Variants in RAC1 observed in about 807,000 individuals in gnomAD.
RAC1 encodes Rac family small GTPase 1.
Under a neutral mutation model 25.2 loss-of-function variants are expected in RAC1, and 2 were observed. The ratio of observed to expected loss-of-function variants is 0.08; its 90% CI spans 0.03 to 0.25. RAC1 has a LOEUF of 0.25. Among genes scored for constraint, RAC1 ranks in the 10% least tolerant of loss-of-function variants. The probability of loss-of-function intolerance (pLI) is 1.00; values close to 1 mark genes in which losing one functional copy is unlikely to be tolerated. For synonymous variants in RAC1, 88 were observed against 94.0 expected, an observed-to-expected ratio of 0.94 and a Z score of 0.37; for missense variants, 50 against 235.7, an observed-to-expected ratio of 0.21 and a Z score of 5.16.
At chr7:6,390,036 TCCTTC>T (rs1783044087) in intron 2 of RAC1, among the ~76,000 whole-genome samples, 1 of 115,724 alleles carries the variant, frequency 8.6e-6, no homozygotes, top group Non-Finnish European at 1.7e-5. Context: ...ACTCCTTCCC[TCCTTC>T]CCTCCTTCCT....
intron 1 of RAC1, among the ~76,000 whole-genome samples, chr7:6,381,734 T>G (rs759153520): frequency 2.6e-5 from 4 of 152,146 alleles, no homozygotes; most frequent in Non-Finnish European, 4.4e-5. Context: ...AAGTCAGATA[T>G]TGGTAGTAGA....
intron 3 of RAC1, among the ~76,000 whole-genome samples, chr7:6,399,147 G>A (rs1026413572): frequency 1.3e-5 from 2 of 152,190 alleles, no homozygotes; most frequent in Non-Finnish European, 2.9e-5. Flanking sequence ...TAACCCCACC[G>A]TGCTTGAGAT....
At chr7:6,394,417 C>T (rs192789694) in intron 3 of RAC1, among the ~76,000 whole-genome samples, 12 of 152,260 alleles carry the variant, frequency 7.9e-5, no homozygotes, top group Non-Finnish European at 1.6e-4. Flanking sequence ...AGAATCAAGT[C>T]TTGTCAGAGT....
chr7:6,381,416 CAG>C (rs201761514), intron 1 of RAC1, among the ~76,000 whole-genome samples: 2,101 of 125,418 alleles, frequency 0.017, 26 homozygotes, highest in South Asian at 0.035. Context: ...TTGGTAGAAA[CAG>C]AGTCTTGCTC....
chr7:6,378,535 A>G lies in RAC1; in HGVS notation c.35+3765A>G, dbSNP rs2017198. Reference sequence around the variant, plus strand: ...CACTCCAGCCTGGGCGACAAGAGCAAGGCTCTGTCTTGAAAAAAAAAGAAA... The same window carrying G: ...CACTCCAGCCTGGGCGACAAGAGCAGGGCTCTGTCTTGAAAAAAAAAGAAA... On this transcript the variant is annotated intron_variant, in intron 1 of 5. Transcript: ENST00000348035. 9.7e-3 allele frequency among the ~76,000 whole-genome samples: 1,480 copies of G among 152,046 alleles called. 11 individuals carry two copies. The highest frequency in any genetic ancestry group is 0.017 in the Non-Finnish European group (1,166 of 67,946).
At position 6,403,287 on chromosome 7, in the gene RAC1, A is replaced by G. The variant is rs1783472277; in HGVS notation, c.*841A>G. The G allele has an allele frequency of 4.7e-6, 1 of 211,920 alleles. No homozygotes were observed. The highest frequency in any genetic ancestry group is 5.9e-5 in the Admixed American group (1 of 16,990). 13.1% of individuals were successfully genotyped at this position (211,920 alleles called of 1,614,324 possible). On this transcript the variant is annotated 3_prime_UTR_variant, in exon 6 of 6. Transcript: ENST00000348035. ...AGTAGATGATGAAAGAAAGGTTGGT[A>G]TTATCAGGAAATGTTTTCTTAAGCT...
At chr7:6,379,648 G>A (rs1371046063) in intron 1 of RAC1, among the ~76,000 whole-genome samples, 2 of 152,340 alleles carry the variant, frequency 1.3e-5, no homozygotes, top group East Asian at 1.9e-4. Flanking sequence ...GACCTTAGGC[G>A]ATCTGCCCGC....
intron 1 of RAC1, among the ~76,000 whole-genome samples, chr7:6,378,940 A>G (rs1313396306): frequency 6.6e-6 from 1 of 152,052 alleles, no homozygotes; most frequent in Non-Finnish European, 1.5e-5. Context: ...ATACAAAAAA[A>G]TTAGCCAAGG....
intron 3 of RAC1, among the ~76,000 whole-genome samples, chr7:6,395,076 G>T (rs1038062896): frequency 6.6e-6 from 1 of 152,108 alleles, no homozygotes; most frequent in Non-Finnish European, 1.5e-5. Flanking sequence ...GGATGGTCTT[G>T]ATCTCCTGAG....
At chr7:6,386,753 C>T (rs1287055792) in intron 1 of RAC1, among the ~76,000 whole-genome samples, 3 of 143,256 alleles carry the variant, frequency 2.1e-5, no homozygotes, top group Non-Finnish European at 4.5e-5. Flanking sequence ...CTCTGCACTG[C>T]ACTCCAGCTG....
At chr7:6,379,461 C>T (rs1249705125) in intron 1 of RAC1, among the ~76,000 whole-genome samples, 2 of 151,928 alleles carry the variant, frequency 1.3e-5, no homozygotes, top group Non-Finnish European at 2.9e-5. Context: ...TTAATAGAGA[C>T]GAGGTTTCTC....
At chr7:6,395,262 G>T (rs1783203734) in intron 3 of RAC1, among the ~76,000 whole-genome samples, 1 of 152,162 alleles carries the variant, frequency 6.6e-6, no homozygotes, top group African/African-American at 2.4e-5. Flanking sequence ...CACTACGCCT[G>T]GCCAGTGCTA....
Position 6,401,916 on chromosome 7 carries a change from G to A in RAC1, c.337G>A (p.Val113Met). The change falls in exon 5 of 6, where the codon GTG (valine) becomes ATG (methionine). Residue 113 changes from valine (V) to methionine (M), a missense_variant. By Grantham distance (21) the Val-to-Met change is conservative (BLOSUM62 1). Transcript: ENST00000348035. ...CTGTCCCAACACTCCCATCATCCTA[G>A]TGGGAACTAAACTTGATCTTAGGGA... ...HHCPNTPIIL[V>M]GTKLDLRDDK... is the part of the protein sequence containing the mutation. 1 of 1,614,094 alleles carries A rather than the reference G, an allele frequency of 6.2e-7. No individual in the cohort carries two copies. The highest frequency in any genetic ancestry group is 8.5e-7 in the Non-Finnish European group (1 of 1,179,954).
Position 6,403,899 on chromosome 7 carries a change from C to G in RAC1, c.*1453C>G, listed in dbSNP as rs1250710399. 2.7e-5 allele frequency: 6 copies of G among 223,660 alleles called. No individual in the cohort carries two copies. The highest frequency in any genetic ancestry group is 5.4e-5 in the Non-Finnish European group (6 of 111,886). The allele number at this position is 223,660 out of a possible 1,614,324, so 13.9% of individuals were successfully genotyped here. On this transcript the variant is annotated 3_prime_UTR_variant, in exon 6 of 6. Coordinates refer to ENST00000348035, the MANE Select transcript of RAC1 (RefSeq NM_006908.5). ...GTTGCAGAATTGTGGAGTGTTTTTA[C>G]ATTGATCTTTTGCTAATGCAATTAG...
intron 3 of RAC1, among the ~76,000 whole-genome samples, chr7:6,397,756 G>C (rs1783285666): frequency 6.6e-6 from 1 of 152,222 alleles, no homozygotes; most frequent in African/African-American, 2.4e-5. Context: ...GGGAAGCCAA[G>C]GTGGGTGGAG....
chr7:6,388,646 T>A (rs568610065), intron 2 of RAC1, among the ~76,000 whole-genome samples: 105 of 152,216 alleles, frequency 6.9e-4, no homozygotes, highest in Non-Finnish European at 1.3e-3. Context: ...ACCCATTTTT[T>A]ACTGTAAGTG....
chr7:6,403,694 C>CT lies in RAC1; in HGVS notation c.*1251dup, dbSNP rs1295420808. 17 of 208,026 alleles carry CT rather than the reference C, an allele frequency of 8.2e-5. No homozygotes were observed. The highest frequency in any genetic ancestry group is 1.5e-4 in the Non-Finnish European group (15 of 101,954). The allele number at this position is 208,026 out of a possible 1,614,324, so 12.9% of individuals were successfully genotyped here. A position where few individuals can be genotyped will look rare whatever the true frequency, so the allele number is the denominator to read the frequency against. On this transcript the variant is annotated 3_prime_UTR_variant, in exon 6 of 6. Transcript: ENST00000348035. ...CTGTCACTTGACCAATACTGACCCT[C>CT]TTTACCTCGCCCACGCGGACACACG...
intron 3 of RAC1, among the ~76,000 whole-genome samples, chr7:6,396,770 C>T (rs575283202): frequency 1.3e-5 from 2 of 152,280 alleles, no homozygotes; most frequent in African/African-American, 4.8e-5. Context: ...GTGGCTCACG[C>T]CTGTAATCCC....
In RAC1 at chr7:6,402,162, G is replaced by A; in HGVS notation, c.448+135G>A. 2.8e-6 allele frequency: 4 copies of A among 1,441,056 alleles called. No homozygotes were observed. The South Asian group carries it at 5.4e-5, about 19-fold the overall frequency. The allele number at this position is 1,441,056 out of a possible 1,614,324, so 89.3% of individuals were successfully genotyped here. A position where few individuals can be genotyped will look rare whatever the true frequency, so the allele number is the denominator to read the frequency against. ...GTACTCTTGGGGAACCAGCTGGCAA[G>A]GCCCTGTGGGTCTTAACGTCAGCGT... On this transcript the variant is annotated intron_variant, in intron 5 of 5. Coordinates refer to ENST00000348035, the MANE Select transcript of RAC1 (RefSeq NM_006908.5).
Sources: allele counts gnomAD v4.1 joint callset (sites outside exome capture counted in the v4.1 genomes callset), GRCh38; gene constraint gnomAD v4.1.1; transcripts MANE v1.5; gene names NCBI Gene and HGNC (gene_info 2026-07-23, HGNC 2026-07-21).